Variants in MYH13 observed in about 807,000 individuals in gnomAD.
MYH13 encodes the protein myosin heavy chain 13.
MYH13 carries 177 observed loss-of-function variants against 232.1 expected under a neutral mutation model. The observed-to-expected ratio is 0.76, with a 90% confidence interval of 0.67 to 0.86. The LOEUF is 0.86. Ranked by LOEUF, MYH13 falls within the 40% of genes least tolerant of loss-of-function variation. The pLI is 0.00. For synonymous variants in MYH13, 884 were observed against 923.5 expected (o/e 0.96, Z 0.78); for missense variants, 2,246 against 2,405.9 (o/e 0.93, Z 1.39).
chr17:10,354,496 G>A (rs2071733362), intron 11 of MYH13, among the ~76,000 whole-genome samples, 184 bp downstream of exon 11: 1 of 152,190 alleles, frequency 6.6e-6, no homozygotes, highest in Non-Finnish European at 1.5e-5. Flanking sequence ...GGAATGCTGT[G>A]AGGTGGAGCT....
rs1402970497 is a variant in MYH13, at chr17:10,333,142, G to A, written c.2106C>T (p.Val702=). 6.4e-7 allele frequency: 1 copy of A among 1,551,914 alleles called. No individual in the cohort carries two copies. The highest frequency in any genetic ancestry group is 8.7e-7 in the Non-Finnish European group (1 of 1,147,082). The change falls in exon 19 of 41, where the codon GTC becomes GTT. Residue 702 remains valine (V), a synonymous_variant. Coordinates refer to ENST00000252172, the MANE Select transcript of MYH13 (RefSeq NM_003802.3). The stretch of plus-strand genomic sequence containing the variant: ...TCCTGCAAATCCGGATGCCCTCGAG[G>A]ACCCCGTTACAGCGCAGCTGGTGCA... ...LVMHQLRCNG[V]LEGIRICRKG...
In MYH13 at chr17:10,320,239, C is replaced by G. The variant is rs758610820; in HGVS notation, c.3262G>C (p.Glu1088Gln). Residue 1088 changes from glutamate to glutamine, a missense_variant, in exon 26 of 41, where the codon GAG becomes CAG. Transcript: ENST00000252172. ...QQIEEKLKKK[E>Q]FELSQLQAKI... is the part of the protein sequence containing the mutation. ...GCTTGTAACTGACTGAGTTCAAACT[C>G]CTTCCTGCAAATAGATTAAAAAAAA... is the stretch of plus-strand genomic sequence containing the variant. 1.2e-6 allele frequency: 2 copies of G among 1,601,218 alleles called. No individual in the cohort carries two copies. Among genetic ancestry groups the G allele is most frequent in the Non-Finnish European group, 8.5e-7 (1 of 1,174,040 alleles).
intron 21 of MYH13, 72 bp from the exon 22 acceptor site, chr17:10,328,193 A>G: frequency 2.0e-6 from 3 of 1,538,230 alleles, no homozygotes; most frequent in Non-Finnish European, 2.6e-6. Flanking sequence ...CCTGTCCCCG[A>G]CGGACCCCAT....
Position 10,329,453 on chromosome 17 carries a change from G to A in MYH13, c.2435+934C>T, listed in dbSNP as rs115486341. Reference sequence around the variant, plus strand: ...TTCTACCACACTGTGGCCTTGCCCCGTCATAGCCTTTGTGTTCACTCTCCT... The same window carrying A: ...TTCTACCACACTGTGGCCTTGCCCCATCATAGCCTTTGTGTTCACTCTCCT... On this transcript the variant is annotated intron_variant, in intron 21 of 40. Coordinates refer to ENST00000252172, the MANE Select transcript of MYH13 (RefSeq NM_003802.3). 7.6e-3 allele frequency among the ~76,000 whole-genome samples: 1,157 copies of A among 152,268 alleles called. 20 individuals are homozygous for A. The highest frequency in any genetic ancestry group is 0.027 in the African/African-American group (1,103 of 41,536).
At chr17:10,301,028 A>G in intron 40 of MYH13, 63 bp from the exon 41 acceptor site, 1 of 1,442,572 alleles carries the variant, frequency 6.9e-7, no homozygotes, top group Non-Finnish European at 9.7e-7. Context: ...ACTGAACATC[A>G]TCTTGAAGTG....
At position 10,340,385 on chromosome 17, in the gene MYH13, G is replaced by A; in HGVS notation, c.1911C>T (p.Ser637=). 1 of 1,613,686 alleles carries A rather than the reference G, an allele frequency of 6.2e-7. No homozygotes were observed. ...AGAETGDSGG[S]KKGGKKKGSS... ...AGCCCTTCTTCTTCCCGCCCTTCTT[G>A]CTTCCTCCGGAGTCGCCTGGAGACA... Residue 637 remains serine (S), a synonymous_variant, in exon 17 of 41, where the codon AGC becomes AGT. Coordinates refer to ENST00000252172, the MANE Select transcript of MYH13 (RefSeq NM_003802.3).
chr17:10,314,968 A>G (rs1906648408), intron 29 of MYH13, among the ~76,000 whole-genome samples: 1 of 152,210 alleles, frequency 6.6e-6, no homozygotes, highest in African/African-American at 2.4e-5. Context: ...AAAACCATGG[A>G]GCCTTCTTGG....
chr17:10,359,381 C>T (rs1410112767), intron 7 of MYH13, among the ~76,000 whole-genome samples: 1 of 152,214 alleles, frequency 6.6e-6, no homozygotes, highest in Non-Finnish European at 1.5e-5. Flanking sequence ...TGATGAACAC[C>T]TAGAGGTACT....
Position 10,345,194 on chromosome 17 carries a change from C to T in MYH13, c.1584+8G>A. 1 of 1,614,066 alleles carries T rather than the reference C, an allele frequency of 6.2e-7. No individual in the cohort carries two copies. The highest frequency in any genetic ancestry group is 8.5e-7 in the Non-Finnish European group (1 of 1,179,920). On this transcript the variant is annotated splice_region_variant and intron_variant, in intron 15 of 40. Transcript: ENST00000252172. ...GAGGAGCTGTCCCAGGCAGCAGTAT[C>T]TCTCTACCTTCTCGATGAGCTCGAT...
At chr17:10,311,262 C>T in intron 32 of MYH13, 35 bp from the exon 33 acceptor site, 3 of 1,612,526 alleles carry the variant, frequency 1.9e-6, no homozygotes, top group Non-Finnish European at 2.5e-6. Context: ...GCTGTTTCAA[C>T]AGGCTCCAGT....
At chr17:10,332,262 C>A in intron 19 of MYH13, 40 bp from the exon 20 acceptor site, 1 of 1,609,616 alleles carries the variant, frequency 6.2e-7, no homozygotes, top group Non-Finnish European at 8.5e-7. Flanking sequence ...TTCCAATCCC[C>A]GAAAGGCTTC....
intron 15 of MYH13, 106 bp from the exon 16 acceptor site, chr17:10,344,215 TGCTGGCATGTAC>T (rs2071642589): frequency 1.4e-6 from 2 of 1,481,318 alleles, no homozygotes; most frequent in Non-Finnish European, 1.8e-6. Flanking sequence ...GTACCAGGAA[TGCTGGCATGTAC>T]GCTCGGTGAG....
chr17:10,307,745 C>A (rs974196744), intron 35 of MYH13, among the ~76,000 whole-genome samples: 4 of 152,144 alleles, frequency 2.6e-5, no homozygotes, highest in African/African-American at 9.7e-5. Context: ...AAAATTGGGA[C>A]AACCTTGTTA....
chr17:10,323,787 A>G (rs12936094), intron 23 of MYH13, among the ~76,000 whole-genome samples: 6,087 of 65,868 alleles, frequency 0.092, 189 homozygotes, highest in African/African-American at 0.1. Context: ...AAAAAAAAAA[A>G]AAGAAGAAGA....
At position 10,311,093 on chromosome 17, in the gene MYH13, A is replaced by G. The variant is rs918183872; in HGVS notation, c.4656+10T>C. On this transcript the variant is annotated intron_variant, in intron 33 of 40. Coordinates refer to ENST00000252172, the MANE Select transcript of MYH13 (RefSeq NM_003802.3). ...CCTGAATTTCTGAATGTCATATCCT[A>G]GACACTTACCTCCACTTCTTCTAAG... 6.2e-7 allele frequency: 1 copy of G among 1,613,818 alleles called. No homozygotes were observed. The highest frequency in any genetic ancestry group is 8.5e-7 in the Non-Finnish European group (1 of 1,179,812).
Position 10,364,508 on chromosome 17 carries a change from G to T in MYH13, c.23C>A (p.Ala8Asp). The T allele has an allele frequency of 6.2e-7, 1 of 1,601,298 alleles. No individual in the cohort carries two copies. The highest frequency in any genetic ancestry group is 1.3e-5 in the African/African-American group (1 of 74,888). Residue 8 changes from alanine (A) to aspartate (D), a missense_variant, in exon 3 of 41, where the codon GCC becomes GAC. Ala to Asp is a moderately radical substitution (Grantham distance 126, BLOSUM62 -2). Coordinates refer to ENST00000252172, the MANE Select transcript of MYH13 (RefSeq NM_003802.3). ...GTAGGGAGCTGCTTCTCCAAAAATG[G>T]CCATTTCTGCGTCAGAGCTCATGAC... is the stretch of plus-strand genomic sequence containing the variant. MSSDAEM[A>D]IFGEAAPYLR...
At position 10,340,394 on chromosome 17, in the gene MYH13, G is replaced by A. The variant is rs1248483238; in HGVS notation, c.1902C>T (p.Ser634=). 1.2e-6 allele frequency: 2 copies of A among 1,612,600 alleles called. No individual in the cohort carries two copies. The highest frequency in any genetic ancestry group is 1.7e-6 in the Non-Finnish European group (2 of 1,179,264). Residue 634 remains serine, a synonymous_variant, in exon 17 of 41, where the codon TCC becomes TCT. Coordinates refer to ENST00000252172, the MANE Select transcript of MYH13 (RefSeq NM_003802.3). ...SNYAGAETGD[S]GGSKKGGKKK... ...TCTTCCCGCCCTTCTTGCTTCCTCC[G>A]GAGTCGCCTGGAGACAGACACAGAA... is the stretch of plus-strand genomic sequence containing the variant.
Position 10,311,896 on chromosome 17 carries a change from G to T in MYH13, c.4531+15C>A. The T allele has an allele frequency of 6.2e-7, 1 of 1,613,856 alleles. No individual in the cohort carries two copies. The highest frequency in any genetic ancestry group is 8.5e-7 in the Non-Finnish European group (1 of 1,179,858). On this transcript the variant is annotated intron_variant, in intron 32 of 40. Coordinates refer to ENST00000252172, the MANE Select transcript of MYH13 (RefSeq NM_003802.3). ...GAGGGGGACATAGCACACACCAGTGGTGGAGACAGCTCACCTTGCAGATTT... is the reference window on the plus strand; with the variant it reads ...GAGGGGGACATAGCACACACCAGTGTTGGAGACAGCTCACCTTGCAGATTT...
intron 29 of MYH13, among the ~76,000 whole-genome samples, chr17:10,314,146 G>T (rs1030428102): frequency 6.6e-6 from 1 of 152,186 alleles, no homozygotes; most frequent in South Asian, 2.1e-4. Flanking sequence ...TAGACCAAGC[G>T]TGGTGGCTCA....
Sources: gnomAD v4.1 joint callset for allele counts (sites outside exome capture counted in the v4.1 genomes callset) on GRCh38, gnomAD v4.1.1 for gene constraint, MANE v1.5 for transcripts, NCBI Gene and HGNC (gene_info 2026-07-23, HGNC 2026-07-21) for gene names.